Variants in GGA2 observed in about 807,000 individuals in gnomAD.
GGA2 encodes ADP-ribosylation factor-binding protein GGA2.
GGA2 carries 48 observed loss-of-function variants against 79.5 expected under a neutral mutation model. That is an observed-to-expected ratio of 0.60 (90% CI 0.48 to 0.77). The LOEUF (loss-of-function observed/expected upper bound fraction) is 0.77, where lower values mean the gene tolerates loss of function less well. Among genes scored for constraint, GGA2 ranks in the 30% least tolerant of loss-of-function variants. GGA2 has a pLI of 0.00. For synonymous variants in GGA2, 317 were observed against 302.0 expected (o/e 1.05, Z -0.51); for missense variants, 770 against 774.0 (o/e 0.99, Z 0.06).
intron 1 of GGA2, among the ~76,000 whole-genome samples, chr16:23,499,283 C>T (rs1964893491): frequency 6.6e-6 from 1 of 151,844 alleles, no homozygotes; most frequent in Non-Finnish European, 1.5e-5. Context: ...TAGCTAGGAT[C>T]ACAGGTGCCC....
intron 13 of GGA2, among the ~76,000 whole-genome samples, chr16:23,477,579 T>TA (rs920270607): frequency 2.0e-4 from 30 of 150,274 alleles, no homozygotes; most frequent in African/African-American, 5.1e-4. Context: ...CCATCTCTAC[T>TA]AAAAAAAAAT....
intron 1 of GGA2, chr16:23,519,729 C>G (rs1965124632): frequency 3.7e-6 from 1 of 270,796 alleles, no homozygotes; most frequent in African/African-American, 2.3e-5. Context: ...TGCCTTTGGT[C>G]CCAACAGGTT....
intron 1 of GGA2, among the ~76,000 whole-genome samples, chr16:23,509,998 T>C (rs1965018266): frequency 6.7e-6 from 1 of 148,382 alleles, no homozygotes; most frequent in Admixed American, 6.8e-5. Context: ...ACTAAGCCGC[T>C]GTGAGCACAG....
rs917964102 is a variant in GGA2 at position 23,465,421 on chromosome 16, T to C, written c.*2169A>G. Reference sequence around the variant, plus strand: ...AGCCTGCCTCCTCTCCTCCTACCCCTATCCTGTCCAACACCTAAGCATAGT... The same window carrying C: ...AGCCTGCCTCCTCTCCTCCTACCCCCATCCTGTCCAACACCTAAGCATAGT... On this transcript the variant is annotated 3_prime_UTR_variant, in exon 17 of 17. Transcript: ENST00000309859. The C allele has an allele frequency of 2.8e-6, 2 of 702,900 alleles. No homozygotes were observed. The highest frequency in any genetic ancestry group is 3.5e-5 in the African/African-American group (2 of 57,264). 43.5% of individuals were successfully genotyped at this position (702,900 alleles called of 1,614,324 possible).
At chr16:23,473,330 CTTTTTTTTTTTTTTTTTTT>C (rs34972165) in intron 14 of GGA2, among the ~76,000 whole-genome samples, 1 of 70,672 alleles carries the variant, frequency 1.4e-5, no homozygotes, top group Non-Finnish European at 2.4e-5. Context: ...CTTTTCTAGT[CTTTTTTTTTTTTTTTTTTT>C]TTTTTTTAGA....
intron 14 of GGA2, among the ~76,000 whole-genome samples, chr16:23,472,197 T>G (rs1163395905): frequency 3.5e-5 from 5 of 140,920 alleles, no homozygotes; most frequent in South Asian, 2.4e-4. Flanking sequence ...TTTTTTTTTT[T>G]TTTTTTTTTT....
At position 23,467,499 on chromosome 16, in the gene GGA2, A is replaced by G; in HGVS notation, c.*91T>C. On this transcript the variant is annotated 3_prime_UTR_variant, in exon 17 of 17. Coordinates refer to ENST00000309859, the MANE Select transcript of GGA2 (RefSeq NM_015044.4). Reference sequence around the variant, plus strand: ...CTGACGTCAGGATAGGACTCTTGGCACTCCGCACTGAAACACCGTGATTAG... The same window carrying G: ...CTGACGTCAGGATAGGACTCTTGGCGCTCCGCACTGAAACACCGTGATTAG... The G allele has an allele frequency of 1.4e-6, 1 of 717,128 alleles. No homozygotes were observed. Among genetic ancestry groups the G allele is most frequent in the Non-Finnish European group, 2.5e-6 (1 of 392,916 alleles). The allele number at this position is 717,128 out of a possible 1,614,324, so 44.4% of individuals were successfully genotyped here. A position where few individuals can be genotyped will look rare whatever the true frequency, so the allele number is the denominator to read the frequency against.
chr16:23,472,308 C>T (rs1964521618), intron 14 of GGA2, among the ~76,000 whole-genome samples: 2 of 150,810 alleles, frequency 1.3e-5, no homozygotes, highest in South Asian at 2.1e-4. Flanking sequence ...ATTCTCTTGC[C>T]TCAGCCTCCC....
intron 10 of GGA2, chr16:23,480,423 TGCTTTTGTGTGTAGTCAAA>T (rs1188642478): frequency 4.1e-6 from 2 of 487,232 alleles, no homozygotes; most frequent in African/African-American, 3.8e-5. Context: ...CTTAGCCATC[TGCTTTTGTGTGTAGTCAAA>T]GCTGGGGTCC....
At chr16:23,513,979 T>C (rs531712138), upstream of GGA2, among the ~76,000 whole-genome samples, 19 of 152,238 alleles carry the variant, frequency 1.2e-4, no homozygotes, top group Non-Finnish European at 2.6e-4. Flanking sequence ...CTAAGTCTAA[T>C]AGATCACTCA....
chr16:23,487,096 C>G (rs1167199318), intron 6 of GGA2, among the ~76,000 whole-genome samples: 1 of 151,006 alleles, frequency 6.6e-6, no homozygotes, highest in African/African-American at 2.4e-5. Flanking sequence ...ATTCTCCTGC[C>G]CCAGCCTCCC....
chr16:23,483,611 G>C (rs939957017), intron 8 of GGA2, among the ~76,000 whole-genome samples: 11 of 152,226 alleles, frequency 7.2e-5, no homozygotes, highest in African/African-American at 2.6e-4. Context: ...CTCGAACCTG[G>C]CACAGACAGG....
At chr16:23,502,384 T>C (rs956394097) in intron 1 of GGA2, among the ~76,000 whole-genome samples, 1 of 152,204 alleles carries the variant, frequency 6.6e-6, no homozygotes, top group Non-Finnish European at 1.5e-5. Flanking sequence ...GTCTTGGGAT[T>C]GTTAGGGGAG....
intron 4 of GGA2, among the ~76,000 whole-genome samples, chr16:23,492,725 G>A (rs1964804529): frequency 6.6e-6 from 1 of 152,124 alleles, no homozygotes; most frequent in Non-Finnish European, 1.5e-5. Context: ...GGAATATGGG[G>A]CGGTGGGGGT....
chr16:23,510,797 C>T (rs1400087363), upstream of GGA2, among the ~76,000 whole-genome samples: 2 of 152,248 alleles, frequency 1.3e-5, no homozygotes, highest in East Asian at 1.9e-4. Flanking sequence ...GCCTCCACCT[C>T]CTAGGCTCAA....
intron 1 of GGA2, among the ~76,000 whole-genome samples, chr16:23,509,848 T>C (rs1368274060): frequency 1.3e-5 from 2 of 151,310 alleles, no homozygotes; most frequent in Admixed American, 1.3e-4. Context: ...TTTGACGCGG[T>C]AGCCAGATAG....
At position 23,486,136 on chromosome 16, in the gene GGA2, T is replaced by A. The variant is rs776534413; in HGVS notation, c.677A>T (p.Glu226Val). ...NLVKEEQEKS[E>V]KVSKRVSAVE... Reference sequence around the variant, plus strand: ...CGCACTGACCCTCTTGGACACCTTCTCCGATTTTTCTTGTTCCTTTTGGGA... The same window carrying A: ...CGCACTGACCCTCTTGGACACCTTCACCGATTTTTCTTGTTCCTTTTGGGA... Residue 226 changes from glutamate to valine, a missense_variant, in exon 8 of 17, where the codon GAG becomes GTG. Coordinates refer to ENST00000309859, the MANE Select transcript of GGA2 (RefSeq NM_015044.4). 1 of 1,613,938 alleles carries A rather than the reference T, an allele frequency of 6.2e-7. No individual in the cohort carries two copies. The highest frequency in any genetic ancestry group is 1.7e-5 in the Admixed American group (1 of 60,008).
chr16:23,493,505 C>G, intron 3 of GGA2, 47 bp from the exon 4 acceptor site: 2 of 1,184,026 alleles, frequency 1.7e-6, no homozygotes, highest in African/African-American at 3.0e-5. Flanking sequence ...GCCAGTGGTC[C>G]CAGGCTCCCC....
At chr16:23,511,295 G>A (rs961637728), upstream of GGA2, among the ~76,000 whole-genome samples, 4 of 145,068 alleles carry the variant, frequency 2.8e-5, no homozygotes, top group Non-Finnish European at 6.0e-5. Context: ...TGGGACTACA[G>A]GTGCATGCCA....
Sources: gnomAD v4.1 joint callset for allele counts (sites outside exome capture counted in the v4.1 genomes callset) on GRCh38, gnomAD v4.1.1 for gene constraint, MANE v1.5 for transcripts, NCBI Gene and HGNC (gene_info 2026-07-23, HGNC 2026-07-21) for gene names.